MYBPC1: variants seen among roughly 807,000 people sequenced by gnomAD.
The protein encoded by MYBPC1 is myosin-binding protein C, slow-type.
A neutral mutation model predicts 147.1 loss-of-function variants in MYBPC1; 52 were observed. That is an observed-to-expected ratio of 0.35 (90% CI 0.28 to 0.45). The LOEUF (loss-of-function observed/expected upper bound fraction) is 0.45. Ranked by LOEUF, MYBPC1 falls within the 20% of genes least tolerant of loss-of-function variation. The pLI is 1.00. For missense variants in MYBPC1, 1,228 were observed against 1,440.3 expected, an observed-to-expected ratio of 0.85 and a Z score of 2.39; for synonymous variants, 477 against 475.9, an observed-to-expected ratio of 1.00 and a Z score of -0.03.
At chr12:101,621,406 A>G (rs957443374) in intron 3 of MYBPC1, among the ~76,000 whole-genome samples, 1 of 152,234 alleles carries the variant, frequency 6.6e-6, no homozygotes, top group African/African-American at 2.4e-5. Context: ...GAAGGCATGT[A>G]TCGTCTCATT....
At chr12:101,651,538 A>G in intron 16 of MYBPC1, 145 bp downstream of exon 16, 1 of 1,063,748 alleles carries the variant, frequency 9.4e-7, no homozygotes, top group Non-Finnish European at 1.4e-6. Flanking sequence ...ACTAGCAAGA[A>G]GGTGTGATTT....
chr12:101,625,849 G>T (rs978996121), intron 3 of MYBPC1, among the ~76,000 whole-genome samples: 1 of 152,164 alleles, frequency 6.6e-6, no homozygotes, highest in South Asian at 2.1e-4. Context: ...ACTTTGGGAG[G>T]CCGAGGCGGG....
chr12:101,687,814 A>C (rs1411516871), downstream of MYBPC1, among the ~76,000 whole-genome samples: 1 of 152,238 alleles, frequency 6.6e-6, no homozygotes, highest in East Asian at 1.9e-4. Flanking sequence ...ATGGTTTTAC[A>C]TAGCCTAAAA....
chr12:101,684,668 A>G (rs1169600794), intron 31 of MYBPC1, among the ~76,000 whole-genome samples: 1 of 152,240 alleles, frequency 6.6e-6, no homozygotes, highest in African/African-American at 2.4e-5. Flanking sequence ...GAATGAAAGC[A>G]TTTAATGTAG....
intron 23 of MYBPC1, among the ~76,000 whole-genome samples, 169 bp downstream of exon 23, chr12:101,668,068 AG>A (rs1897827447): frequency 6.6e-6 from 1 of 152,038 alleles, no homozygotes; most frequent in Non-Finnish European, 1.5e-5. Context: ...AGCTCTCTTC[AG>A]GCAATGTGGG....
chr12:101,649,333 A>G lies in MYBPC1; in HGVS notation c.1270A>G (p.Ile424Val), dbSNP rs753760957. Residue 424 changes from isoleucine to valine, a missense_variant, in exon 15 of 32, where the codon ATC (isoleucine) becomes GTC (valine). By Grantham distance (29) the Ile-to-Val change is conservative. Around this residue, in one of 2 missense-constraint regions of MYBPC1, gnomAD observed 1,077 missense variants for 1,314.2 expected, o/e 0.82. Transcript: ENST00000361466. ...YRIRVEGKKH[I>V]LIIEGATKAD... ...AATTAGAGTTGAGGGTAAAAAACAC[A>G]TCTTGATCATAGAGGGAGCAACAAA... 5 of 1,614,038 alleles carry G rather than the reference A, an allele frequency of 3.1e-6. No homozygotes were observed. Among genetic ancestry groups the G allele is most frequent in the Non-Finnish European group, 4.2e-6 (5 of 1,179,908 alleles).
At chr12:101,638,733 A>G (rs533908474) in intron 10 of MYBPC1, among the ~76,000 whole-genome samples, 1 of 152,340 alleles carries the variant, frequency 6.6e-6, no homozygotes, top group South Asian at 2.1e-4. Context: ...AGAATAAAAT[A>G]AATCTAATTA....
chr12:101,622,895 G>A (rs1392153375), intron 3 of MYBPC1, among the ~76,000 whole-genome samples: 2 of 152,110 alleles, frequency 1.3e-5, no homozygotes, highest in Non-Finnish European at 2.9e-5. Flanking sequence ...ACTGTTGGGT[G>A]ATCTAGACGA....
chr12:101,599,501 C>T (rs1254866672), intron 1 of MYBPC1, among the ~76,000 whole-genome samples: 1 of 152,186 alleles, frequency 6.6e-6, no homozygotes, highest in African/African-American at 2.4e-5. Context: ...AGAAAAGGAC[C>T]TCCCTTGATG....
chr12:101,689,652 G>C (rs1046440125), downstream of MYBPC1, among the ~76,000 whole-genome samples: 3 of 150,530 alleles, frequency 2.0e-5, no homozygotes, highest in Non-Finnish European at 3.0e-5. Context: ...AATCTAGAAA[G>C]AGATTAATTA....
At chr12:101,616,100 A>C (rs914611153) in intron 2 of MYBPC1, among the ~76,000 whole-genome samples, 4 of 152,188 alleles carry the variant, frequency 2.6e-5, no homozygotes, top group African/African-American at 9.7e-5. Context: ...CTCAAACCCT[A>C]AACAGTATAG....
chr12:101,649,552 C>T, intron 15 of MYBPC1, 126 bp downstream of exon 15: 1 of 1,142,424 alleles, frequency 8.8e-7, no homozygotes, highest in Non-Finnish European at 1.3e-6. Context: ...AAATGGATTT[C>T]ATTCCAGCTA....
intron 3 of MYBPC1, among the ~76,000 whole-genome samples, chr12:101,625,585 G>T (rs557817293): frequency 9.2e-5 from 14 of 152,138 alleles, no homozygotes; most frequent in Non-Finnish European, 1.2e-4. Flanking sequence ...TTTTGTTGTG[G>T]TTGGTCTCCT....
Position 101,626,889 on chromosome 12 carries a change from C to T in MYBPC1, c.121C>T (p.Pro41Ser). ...TPAKDEEEVS[P>S]PSALPPGLGS... ...TGTTTCAGATGAAGAGGAAGTCTCC[C>T]CGCCTAGCGCCTTGCCTCCAGGTTG... Residue 41 changes from proline (P) to serine (S), a missense_variant, in exon 4 of 32, where the codon CCG (proline) becomes TCG (serine). Coordinates refer to ENST00000361466, the MANE Select transcript of MYBPC1 (RefSeq NM_002465.4). 6.2e-7 allele frequency: 1 copy of T among 1,612,722 alleles called. No individual in the cohort carries two copies. Among genetic ancestry groups the T allele is most frequent in the Non-Finnish European group, 8.5e-7 (1 of 1,178,726 alleles).
At chr12:101,617,409 T>C (rs1886380476) in intron 3 of MYBPC1, among the ~76,000 whole-genome samples, 166 bp downstream of exon 3, 1 of 152,228 alleles carries the variant, frequency 6.6e-6, no homozygotes, top group African/African-American at 2.4e-5. Context: ...AAATGGTGCA[T>C]TGCTAAGTTT....
chr12:101,615,055 A>G (rs1375307345), intron 2 of MYBPC1: 1 of 186,764 alleles, frequency 5.4e-6, no homozygotes, highest in Non-Finnish European at 1.1e-5. Context: ...GTGAGGACCA[A>G]CTTCTTGAGT....
intron 10 of MYBPC1, among the ~76,000 whole-genome samples, chr12:101,639,477 CT>C (rs1232684118): frequency 6.6e-6 from 1 of 152,118 alleles, no homozygotes; most frequent in Non-Finnish European, 1.5e-5. Flanking sequence ...AAGATAGATG[CT>C]TCTCTTTACG....
chr12:101,684,519 A>G, intron 31 of MYBPC1, 95 bp downstream of exon 31: 2 of 946,618 alleles, frequency 2.1e-6, no homozygotes, highest in Non-Finnish European at 3.3e-6. Context: ...TACATAATCC[A>G]ATGAAAATAG....
intron 12 of MYBPC1, among the ~76,000 whole-genome samples, chr12:101,645,831 C>T (rs995027492): frequency 6.6e-5 from 10 of 152,146 alleles, no homozygotes; most frequent in Admixed American, 3.9e-4. Flanking sequence ...TCTAGTTTTT[C>T]GTTTCTAAAT....
Sources: allele counts gnomAD v4.1 joint callset (sites outside exome capture counted in the v4.1 genomes callset), GRCh38; gene constraint gnomAD v4.1.1; regional missense constraint gnomAD v4.1.1; transcripts MANE v1.5; gene names NCBI Gene and HGNC (gene_info 2026-07-23, HGNC 2026-07-21).